The following TMEM132B variants were observed in gnomAD, a reference collection of about 807,000 sequenced individuals.
TMEM132B encodes transmembrane protein 132B.
Under a neutral mutation model 90.8 loss-of-function variants are expected in TMEM132B, and 18 were observed. The observed-to-expected ratio is 0.20, with a 90% CI of 0.14 to 0.29. The LOEUF is 0.29. TMEM132B is among the 10% of genes least tolerant of loss of function. The pLI is 1.00. For missense variants in TMEM132B, 1,096 were observed against 1,326.8 expected (o/e 0.83, Z 2.70); for synonymous variants, 504 against 523.3 (o/e 0.96, Z 0.50).
intron 4 of TMEM132B, among the ~76,000 whole-genome samples, chr12:125,536,477 G>A (rs895391088): frequency 6.6e-6 from 1 of 152,124 alleles, no homozygotes; most frequent in Non-Finnish European, 1.5e-5. Flanking sequence ...GAACTCACTC[G>A]CCAACACTGC....
At chr12:125,482,798 A>G (rs1263716223) in intron 3 of TMEM132B, among the ~76,000 whole-genome samples, 5 of 152,352 alleles carry the variant, frequency 3.3e-5, no homozygotes, top group Admixed American at 1.3e-4. Context: ...ATGCACAAGT[A>G]TGTTTATTGC....
chr12:125,574,478 G>A (rs982968899), intron 4 of TMEM132B, among the ~76,000 whole-genome samples: 4 of 152,140 alleles, frequency 2.6e-5, no homozygotes, highest in African/African-American at 4.8e-5. Flanking sequence ...TTAAGGCAAT[G>A]TGTTCTTCAG....
At chr12:125,457,648 A>C (rs898039494) in intron 3 of TMEM132B, among the ~76,000 whole-genome samples, 1 of 152,154 alleles carries the variant, frequency 6.6e-6, no homozygotes, top group African/African-American at 2.4e-5. Context: ...TTGGCTGGTG[A>C]CAGGATCCTA....
intron 3 of TMEM132B, among the ~76,000 whole-genome samples, chr12:125,494,478 T>A: frequency 1.2e-5 from 1 of 82,108 alleles, no homozygotes; most frequent in East Asian, 3.9e-4. Flanking sequence ...GATGCGTCCC[T>A]CCTCCCCCTC....
chr12:125,443,894 A>G (rs1223955843), intron 3 of TMEM132B, among the ~76,000 whole-genome samples: 1 of 152,062 alleles, frequency 6.6e-6, no homozygotes, highest in African/African-American at 2.4e-5. Context: ...GCACCGTGAA[A>G]TTGAGCTGAA....
intron 3 of TMEM132B, among the ~76,000 whole-genome samples, chr12:125,461,005 C>G (rs538688777): frequency 1.4e-4 from 21 of 152,194 alleles, no homozygotes; most frequent in Non-Finnish European, 2.5e-4. Flanking sequence ...GTGGCTCTCC[C>G]CAGTGGGATA....
At chr12:125,205,672 C>CTGTCTCCATGTGGTCTGA (rs2136061192) in intron 1 of TMEM132B, among the ~76,000 whole-genome samples, 1 of 152,376 alleles carries the variant, frequency 6.6e-6, no homozygotes, top group Admixed American at 6.5e-5. Flanking sequence ...GTGGTCTCTC[C>CTGTCTCCATGTGGTCTGA]AGCCTGGCAG....
chr12:125,519,778 T>C (rs1335873514), intron 4 of TMEM132B, among the ~76,000 whole-genome samples, 153 bp downstream of exon 4: 1 of 152,248 alleles, frequency 6.6e-6, no homozygotes, highest in Non-Finnish European at 1.5e-5. Flanking sequence ...CTTTTCATAA[T>C]GGCTCCTTGG....
At chr12:125,333,362 A>C (rs903568494) in intron 1 of TMEM132B, among the ~76,000 whole-genome samples, 13 of 152,354 alleles carry the variant, frequency 8.5e-5, no homozygotes, top group African/African-American at 2.6e-4. Context: ...GTAAGGTGAC[A>C]TTTACAGGTA....
intron 1 of TMEM132B, among the ~76,000 whole-genome samples, chr12:125,208,624 G>A (rs572177114): frequency 3.9e-5 from 6 of 152,324 alleles, no homozygotes; most frequent in East Asian, 3.9e-4. Flanking sequence ...TGTCCGGACC[G>A]CATAGTGTTT....
At chr12:125,244,608 T>G (rs560907932) in intron 1 of TMEM132B, among the ~76,000 whole-genome samples, 1 of 152,254 alleles carries the variant, frequency 6.6e-6, no homozygotes, top group Admixed American at 6.5e-5. Flanking sequence ...GGACAAAAAT[T>G]TTACCAGCCA....
chr12:125,630,447 A>G (rs1046456614), intron 5 of TMEM132B, among the ~76,000 whole-genome samples: 4 of 152,078 alleles, frequency 2.6e-5, no homozygotes, highest in Non-Finnish European at 4.4e-5. Context: ...GGTAGCCACT[A>G]ATAATCCTTT....
At chr12:125,188,389 C>T (rs1320006626) in intron 1 of TMEM132B, among the ~76,000 whole-genome samples, 1 of 152,206 alleles carries the variant, frequency 6.6e-6, no homozygotes, top group Non-Finnish European at 1.5e-5. Flanking sequence ...TGCAGTCCCT[C>T]GGACTTGAAA....
chr12:125,303,458 A>G (rs1875883362), intron 1 of TMEM132B, among the ~76,000 whole-genome samples: 2 of 152,194 alleles, frequency 1.3e-5, no homozygotes, highest in African/African-American at 4.8e-5. Context: ...TTCATGGCCA[A>G]GTATCTTTGA....
At chr12:125,650,232 A>AG (rs1886871792) in intron 6 of TMEM132B, among the ~76,000 whole-genome samples, 1 of 152,058 alleles carries the variant, frequency 6.6e-6, no homozygotes, top group African/African-American at 2.4e-5. Flanking sequence ...GAGAGAGGAA[A>AG]GGGGCCAGCT....
In TMEM132B at chr12:125,216,867, C is replaced by T. The variant is rs547970625; in HGVS notation, c.67+30001C>T. On this transcript the variant is annotated intron_variant, in intron 1 of 8. Transcript: ENST00000682704. ...GAGGCAGCAAGCTGGCCGGAGGCAT[C>T]GAGCAGCTCCTCCATTATCCGCATG... Among the ~76,000 whole-genome samples, 64 of 152,276 alleles carry T rather than the reference C, an allele frequency of 4.2e-4. 2 individuals are homozygous for T. In the South Asian group the frequency reaches 0.012, roughly 30 times the overall value.
At chr12:125,384,455 G>A (rs1323302523) in intron 2 of TMEM132B, among the ~76,000 whole-genome samples, 2 of 152,148 alleles carry the variant, frequency 1.3e-5, no homozygotes, top group East Asian at 1.9e-4. Context: ...ACAATGTGAT[G>A]TTTTGCTATA....
At chr12:125,601,860 T>C (rs1402228602) in intron 5 of TMEM132B, among the ~76,000 whole-genome samples, 2 of 152,172 alleles carry the variant, frequency 1.3e-5, no homozygotes, top group African/African-American at 4.8e-5. Context: ...CTAGAAAATC[T>C]GGGAGAAATG....
rs116705852 is a variant in TMEM132B, at chr12:125,558,066, A to G, written c.1294-25785A>G. Among the ~76,000 whole-genome samples, 580 of 152,348 alleles carry G rather than the reference A, an allele frequency of 3.8e-3. 3 individuals are homozygous for G. Among genetic ancestry groups the G allele is most frequent in the African/African-American group, 0.012 (515 of 41,578 alleles). ...TTTCAGACAATTGATTTTACCTGGT[A>G]TCAGGATCCAATCATCCGTCCTTCG... On this transcript the variant is annotated intron_variant, in intron 4 of 8. Transcript: ENST00000682704.
Sources: gnomAD v4.1 joint callset for allele counts (sites outside exome capture counted in the v4.1 genomes callset) on GRCh38, gnomAD v4.1.1 for gene constraint, MANE v1.5 for transcripts, NCBI Gene and HGNC (gene_info 2026-07-23, HGNC 2026-07-21) for gene names.